Variants in SCFD2 observed in about 807,000 individuals in gnomAD.
SCFD2 encodes the protein sec1 family domain containing 2, also known as sec1 family domain-containing protein 2.
In SCFD2, 54 loss-of-function variants were observed where a neutral mutation model predicts 58.9. The ratio of observed to expected loss-of-function variants is 0.92; its 90% confidence interval spans 0.74 to 1.15. The LOEUF (loss-of-function observed/expected upper bound fraction) is 1.15. SCFD2 is among the 50% of genes most tolerant of loss of function. The probability of loss-of-function intolerance (pLI) is 0.00; values close to 1 mark genes in which losing one functional copy is unlikely to be tolerated. For missense variants in SCFD2, 805 were observed against 836.6 expected (o/e 0.96, Z 0.47); for synonymous variants, 321 against 335.9 (o/e 0.96, Z 0.49).
chr4:53,261,225 T>A (rs1232224710), intron 4 of SCFD2, among the ~76,000 whole-genome samples: 1 of 152,182 alleles, frequency 6.6e-6, no homozygotes, highest in Non-Finnish European at 1.5e-5. Context: ...TTTGTTTCAA[T>A]TTCATTTAGT....
At chr4:53,275,433 C>T (rs1386335891) in intron 3 of SCFD2, among the ~76,000 whole-genome samples, 3 of 152,090 alleles carry the variant, frequency 2.0e-5, no homozygotes, top group Admixed American at 2.0e-4. Context: ...TCCTGATTCT[C>T]AAAGCAGCAA....
chr4:53,034,341 T>C (rs1359354543), intron 5 of SCFD2, among the ~76,000 whole-genome samples: 1 of 152,148 alleles, frequency 6.6e-6, no homozygotes, highest in Non-Finnish European at 1.5e-5. Context: ...CTAAGAGCTA[T>C]TTATGACAAA....
intron 8 of SCFD2, among the ~76,000 whole-genome samples, chr4:52,875,855 T>G (rs1266193239): frequency 3.1e-5 from 3 of 95,822 alleles, no homozygotes; most frequent in Admixed American, 1.2e-4. Context: ...TATATATATA[T>G]AGTTAATGTC....
intron 5 of SCFD2, among the ~76,000 whole-genome samples, chr4:53,103,905 A>G (rs554223464): frequency 2.0e-5 from 3 of 149,966 alleles, no homozygotes; most frequent in South Asian, 2.1e-4. Flanking sequence ...GCTAAAAAAA[A>G]AAAAAAAAAA....
At chr4:53,250,877 C>A (rs1211175649) in intron 4 of SCFD2, among the ~76,000 whole-genome samples, 1 of 151,872 alleles carries the variant, frequency 6.6e-6, no homozygotes, top group Non-Finnish European at 1.5e-5. Context: ...TAGCAGAAGG[C>A]AAGAAATAAC....
Position 52,873,932 on chromosome 4 carries a change from TTC to T in SCFD2, c.*35_*36del. ...TGGTGGCAGAAAATTGCATCGGCAT[TTC>T]CAGCTTGAGTAGGTCTTATCTTCTT... On this transcript the variant is annotated 3_prime_UTR_variant, in exon 9 of 9. Transcript: ENST00000401642. The T allele has an allele frequency of 6.7e-7, 1 of 1,502,270 alleles. No homozygotes were observed. Among genetic ancestry groups the T allele is most frequent in the Non-Finnish European group, 9.3e-7 (1 of 1,078,334 alleles). The allele number at this position is 1,502,270 out of a possible 1,614,324, so 93.1% of individuals were successfully genotyped here.
At chr4:53,177,657 C>G (rs964596699) in intron 4 of SCFD2, among the ~76,000 whole-genome samples, 12 of 152,230 alleles carry the variant, frequency 7.9e-5, no homozygotes, top group Non-Finnish European at 1.2e-4. Context: ...GAGTGCCAGA[C>G]AGTAGGTGCA....
At chr4:53,161,590 A>G (rs1427884949) in intron 4 of SCFD2, among the ~76,000 whole-genome samples, 1 of 152,178 alleles carries the variant, frequency 6.6e-6, no homozygotes, top group Non-Finnish European at 1.5e-5. Context: ...GTTTTTTCCC[A>G]TCTCTCGGGA....
At chr4:53,322,312 C>T (rs576847525) in intron 2 of SCFD2, among the ~76,000 whole-genome samples, 6 of 152,100 alleles carry the variant, frequency 3.9e-5, no homozygotes, top group Non-Finnish European at 7.3e-5. Context: ...TCATTATACA[C>T]GAATTATAAT....
intron 5 of SCFD2, among the ~76,000 whole-genome samples, chr4:53,131,262 G>A (rs1312543774): frequency 1.2e-4 from 19 of 152,210 alleles, no homozygotes; most frequent in Non-Finnish European, 2.9e-5. Flanking sequence ...ATTTAAGAAT[G>A]TTGCCTGGGA....
At chr4:53,238,427 A>AC (rs1729755822) in intron 4 of SCFD2, among the ~76,000 whole-genome samples, 9 of 114,658 alleles carry the variant, frequency 7.8e-5, no homozygotes, top group African/African-American at 2.4e-4. Context: ...TCCCTCCCGG[A>AC]TGGGCGGCTG....
chr4:53,252,105 G>T (rs1035575814), intron 4 of SCFD2, among the ~76,000 whole-genome samples: 30 of 148,500 alleles, frequency 2.0e-4, no homozygotes, highest in African/African-American at 5.2e-4. Flanking sequence ...CAAACAGAGA[G>T]CCAAATCATG....
Position 53,339,348 on chromosome 4 carries a change from G to A in SCFD2, c.1007+13250C>T, listed in dbSNP as rs369891598. Among the ~76,000 whole-genome samples the A allele has an allele frequency of 2.1e-4, 31 of 150,156 alleles. No individual in the cohort carries two copies. In the East Asian group the frequency reaches 5.4e-3, roughly 26 times the overall value. ...ACATATATATGTATACATATTATATGTAAATGTATATTACATATTATATAT... is the reference window on the plus strand; with the variant it reads ...ACATATATATGTATACATATTATATATAAATGTATATTACATATTATATAT... On this transcript the variant is annotated intron_variant, in intron 2 of 8. Transcript: ENST00000401642.
At chr4:53,269,671 G>T (rs893931361) in intron 4 of SCFD2, among the ~76,000 whole-genome samples, 6 of 152,010 alleles carry the variant, frequency 3.9e-5, no homozygotes, top group Non-Finnish European at 5.9e-5. Flanking sequence ...AACCCTAACT[G>T]ACTTTACTAA....
rs535200970 is a variant in SCFD2 at position 53,121,060 on chromosome 4, G to A, written c.1561+24273C>T. Among the ~76,000 whole-genome samples the A allele has an allele frequency of 2.4e-3, 367 of 152,274 alleles. 4 individuals are homozygous for A. In the South Asian group the frequency reaches 0.029, roughly 12 times the overall value. ...ACTTGATACATTTCTGGGCCTCTAA[G>A]GACATTTATAACTGTGTGGATCTTG... On this transcript the variant is annotated intron_variant, in intron 5 of 8. Coordinates refer to ENST00000401642, the MANE Select transcript of SCFD2 (RefSeq NM_152540.4).
At chr4:53,255,048 T>A (rs1339374930) in intron 4 of SCFD2, among the ~76,000 whole-genome samples, 1 of 150,530 alleles carries the variant, frequency 6.6e-6, no homozygotes, top group African/African-American at 2.4e-5. Flanking sequence ...AATTTTTGTA[T>A]TTTTAGTAGA....
intron 5 of SCFD2, among the ~76,000 whole-genome samples, chr4:53,040,801 C>A (rs1473712327): frequency 6.6e-6 from 1 of 152,060 alleles, no homozygotes; most frequent in Non-Finnish European, 1.5e-5. Context: ...TCATGCCTTA[C>A]TGAAAAATTT....
intron 5 of SCFD2, among the ~76,000 whole-genome samples, chr4:53,116,257 T>G (rs1437836628): frequency 6.6e-6 from 1 of 152,134 alleles, no homozygotes; most frequent in Non-Finnish European, 1.5e-5. Flanking sequence ...AAACAAAAAT[T>G]CTCTCTCACA....
At chr4:53,354,824 C>G (rs750583339) in intron 1 of SCFD2, among the ~76,000 whole-genome samples, 10 of 145,664 alleles carry the variant, frequency 6.9e-5, no homozygotes, top group African/African-American at 5.0e-5. Context: ...GGCAGAGTCT[C>G]ACTCTGTTGC....
Sources: allele counts gnomAD v4.1 joint callset (sites outside exome capture counted in the v4.1 genomes callset), GRCh38; gene constraint gnomAD v4.1.1; transcripts MANE v1.5; gene names NCBI Gene and HGNC (gene_info 2026-07-23, HGNC 2026-07-21).